The following MATN2 variants were observed in gnomAD, a reference collection of about 807,000 sequenced individuals.
MATN2 encodes matrilin 2.
In MATN2, 69 loss-of-function variants were observed where a neutral mutation model predicts 103.2. The observed-to-expected ratio is 0.67, with a 90% CI of 0.55 to 0.82. MATN2 has a LOEUF of 0.82. MATN2 is among the 40% of genes least tolerant of loss of function. MATN2 has a pLI of 0.00. For missense variants in MATN2, 1,023 were observed against 1,211.5 expected (o/e 0.84, Z 2.31); for synonymous variants, 429 against 450.2 (o/e 0.95, Z 0.60).
At chr8:97,924,717 T>C (rs1251181352) in intron 2 of MATN2, among the ~76,000 whole-genome samples, 2 of 109,468 alleles carry the variant, frequency 1.8e-5, no homozygotes, top group African/African-American at 6.3e-5. Flanking sequence ...CATCATATTA[T>C]TAAGTGTTTT....
chr8:97,873,919 C>T (rs571996053), intron 1 of MATN2, among the ~76,000 whole-genome samples: 3 of 152,296 alleles, frequency 2.0e-5, no homozygotes, highest in East Asian at 1.9e-4. Flanking sequence ...TGAGGCACCA[C>T]GCCTGGCCAG....
At position 98,007,407 on chromosome 8, in the gene MATN2, C is replaced by A; in HGVS notation, c.1451-72C>A. On this transcript the variant is annotated intron_variant, in intron 9 of 18. Coordinates refer to ENST00000254898, the MANE Select transcript of MATN2 (RefSeq NM_002380.5). This position sits in a 1 kb window ranked among gnomAD's most constrained non-coding sequence, Gnocchi z 4.2. Reference sequence around the variant, plus strand: ...TCGAGGGAGGGCGGGGTGAGCATGACGGTCACTTGATCCAATCACTGTCGC... The same window carrying A: ...TCGAGGGAGGGCGGGGTGAGCATGAAGGTCACTTGATCCAATCACTGTCGC... 6.3e-7 allele frequency: 1 copy of A among 1,577,478 alleles called. No individual in the cohort carries two copies. The highest frequency in any genetic ancestry group is 1.2e-5 in the South Asian group (1 of 86,954).
At chr8:97,941,186 G>A (rs2512025) in intron 3 of MATN2, among the ~76,000 whole-genome samples, 40,622 of 68,330 alleles carry the variant, frequency 0.59, 11,345 homozygotes, top group Non-Finnish European at 0.67. Context: ...AAAAAAAAAA[G>A]AAAGAAAGAA....
At chr8:98,021,422 C>T in intron 13 of MATN2, 95 bp downstream of exon 13, 1 of 1,361,886 alleles carries the variant, frequency 7.3e-7, no homozygotes, top group East Asian at 2.4e-5. Flanking sequence ...ACCTCTGCTT[C>T]TCCCATAAAT....
chr8:97,887,005 C>CCTCGCG (rs1347904021), intron 1 of MATN2, among the ~76,000 whole-genome samples: 1 of 151,530 alleles, frequency 6.6e-6, no homozygotes, highest in Non-Finnish European at 1.5e-5. Context: ...GATTCTTGTG[C>CCTCGCG]CTCGGCCTCC....
Position 97,961,481 on chromosome 8 carries a change from C to T in MATN2, c.909C>T (p.Cys303=). 1 of 1,613,724 alleles carries T rather than the reference C, an allele frequency of 6.2e-7. No individual in the cohort carries two copies. The highest frequency in any genetic ancestry group is 1.3e-5 in the African/African-American group (1 of 75,034). Residue 303 remains cysteine (C), a synonymous_variant, in exon 5 of 19, where the codon TGC becomes TGT. Coordinates refer to ENST00000254898, the MANE Select transcript of MATN2 (RefSeq NM_002380.5). ...TGAATGTGCCGGGCTCCTTCGTCTGCCAGTGCTACAGTGGCTACGCCCTGG... is the reference window on the plus strand; with the variant it reads ...TGAATGTGCCGGGCTCCTTCGTCTGTCAGTGCTACAGTGGCTACGCCCTGG... ...LCVNVPGSFV[C]QCYSGYALAE...
At chr8:97,930,005 C>T (rs1306784087) in intron 2 of MATN2, among the ~76,000 whole-genome samples, 1 of 152,242 alleles carries the variant, frequency 6.6e-6, no homozygotes, top group Non-Finnish European at 1.5e-5. Flanking sequence ...AGTATACCCT[C>T]TACTACAAGG....
intron 5 of MATN2, among the ~76,000 whole-genome samples, chr8:97,973,925 A>G (rs1811747227): frequency 1.3e-5 from 2 of 152,218 alleles, no homozygotes; most frequent in Admixed American, 1.3e-4. Context: ...AAATTGGAAC[A>G]AGGATTTCAA....
chr8:97,961,677 C>G lies in MATN2; in HGVS notation c.958+147C>G, dbSNP rs180681456. ...TCAGTTGTTTGGTGTAGTTGTTAGG[C>G]AGAATTTGAACTTTAAAGGCTTCAT... On this transcript the variant is annotated intron_variant, in intron 5 of 18. Transcript: ENST00000254898. The G allele has an allele frequency of 6.3e-6, 6 of 954,292 alleles. No homozygotes were observed. In the Admixed American group the frequency reaches 2.2e-4, roughly 35 times the overall value. 59.1% of individuals were successfully genotyped at this position (954,292 alleles called of 1,614,324 possible).
At chr8:98,026,532 T>C in intron 13 of MATN2, among the ~76,000 whole-genome samples, 1 of 152,176 alleles carries the variant, frequency 6.6e-6, no homozygotes, top group Non-Finnish European at 1.5e-5. Flanking sequence ...CTGGGGATTA[T>C]AGGCGTGAGC....
chr8:97,983,381 A>C (rs528627387), intron 6 of MATN2, among the ~76,000 whole-genome samples: 39 of 152,264 alleles, frequency 2.6e-4, no homozygotes, highest in African/African-American at 9.4e-4. Context: ...CTGGGTTTTT[A>C]TACCCAGAAG....
At chr8:97,928,662 C>G (rs899940327) in intron 2 of MATN2, among the ~76,000 whole-genome samples, 1 of 152,174 alleles carries the variant, frequency 6.6e-6, no homozygotes. Flanking sequence ...AGCTGTAACC[C>G]TGCCCCTACC....
intron 2 of MATN2, among the ~76,000 whole-genome samples, chr8:97,917,565 G>A (rs1399236505): frequency 6.6e-6 from 1 of 152,134 alleles, no homozygotes; most frequent in Non-Finnish European, 1.5e-5. Flanking sequence ...GACTGCACCC[G>A]CTCTGGCAGG....
intron 6 of MATN2, 72 bp downstream of exon 6, chr8:97,979,080 T>C (rs963336312): frequency 4.0e-6 from 6 of 1,487,324 alleles, no homozygotes; most frequent in Non-Finnish European, 5.5e-6. Context: ...ACCATGGAAC[T>C]CTCTCAAGTA....
At chr8:98,027,368 T>A in intron 13 of MATN2, 48 bp from the exon 14 acceptor site, 2 of 1,484,182 alleles carry the variant, frequency 1.3e-6, no homozygotes, top group African/African-American at 1.4e-5. Flanking sequence ...CTCTTGTGCA[T>A]AAATGATTTT....
intron 2 of MATN2, among the ~76,000 whole-genome samples, chr8:97,892,415 CAAAAAAAAAAAA>C (rs35181049): frequency 1.3e-5 from 1 of 78,054 alleles, no homozygotes; most frequent in South Asian, 5.1e-4. Flanking sequence ...GACCCTGTCT[CAAAAAAAAAAAA>C]AAAAAAAAAA....
At chr8:97,929,269 C>A (rs1183381425) in intron 2 of MATN2, among the ~76,000 whole-genome samples, 1 of 152,170 alleles carries the variant, frequency 6.6e-6, no homozygotes, top group African/African-American at 2.4e-5. Flanking sequence ...TTTCCCACTT[C>A]TCATTTTTAT....
chr8:97,989,468 C>CA (rs34047188), intron 6 of MATN2, among the ~76,000 whole-genome samples: 28,488 of 129,482 alleles, frequency 0.22, 3,141 homozygotes, highest in African/African-American at 0.31. Context: ...GACTCCATCT[C>CA]AAAAAAAAAA....
intron 2 of MATN2, among the ~76,000 whole-genome samples, chr8:97,922,023 G>C (rs1029114776): frequency 6.6e-6 from 1 of 152,152 alleles, no homozygotes; most frequent in Non-Finnish European, 1.5e-5. Context: ...ATTGTGAATT[G>C]TGCATGCAAG....
Sources: gnomAD v4.1 joint callset for allele counts (sites outside exome capture counted in the v4.1 genomes callset) on GRCh38, gnomAD v4.1.1 for gene constraint, Gnocchi (gnomAD v3.1) non-coding constraint, MANE v1.5 for transcripts, NCBI Gene and HGNC (gene_info 2026-07-23, HGNC 2026-07-21) for gene names.